KMT2E: variants seen among roughly 807,000 people sequenced by gnomAD.
KMT2E encodes lysine methyltransferase 2E (inactive), also known as histone reader KMT2E.
A neutral mutation model predicts 184.6 loss-of-function variants in KMT2E; 30 were observed. The observed-to-expected ratio is 0.16, with a 90% CI of 0.12 to 0.22. KMT2E has a LOEUF of 0.22. KMT2E is among the 10% of genes least tolerant of loss of function. The probability of loss-of-function intolerance (pLI) is 1.00; values close to 1 mark genes in which losing one functional copy is unlikely to be tolerated. For missense variants in KMT2E, 2,023 were observed against 2,237.4 expected (o/e 0.90, Z 1.93); for synonymous variants, 815 against 776.5 (o/e 1.05, Z -0.82).
At chr7:105,101,185 C>T (rs1328925026) in intron 15 of KMT2E, among the ~76,000 whole-genome samples, 2 of 152,104 alleles carry the variant, frequency 1.3e-5, no homozygotes, top group South Asian at 2.1e-4. Flanking sequence ...CATTAACACT[C>T]AGTCATCCAA....
chr7:105,017,416 GGTTTTTTTTTGTTTTTT>G (rs551729303), intron 1 of KMT2E, among the ~76,000 whole-genome samples: 45 of 144,284 alleles, frequency 3.1e-4, no homozygotes, highest in African/African-American at 9.3e-4. Context: ...GGTGGTGGGT[GGTTTTTTTTTGTTTTTT>G]GTTTTTTTTT....
chr7:105,029,163 T>G (rs1795296327), intron 1 of KMT2E, among the ~76,000 whole-genome samples: 1 of 151,950 alleles, frequency 6.6e-6, no homozygotes, highest in Non-Finnish European at 1.5e-5. Flanking sequence ...CGTGGGAGGC[T>G]GAGTCAGAGG....
In KMT2E at chr7:105,102,170, T is replaced by A. The variant is rs776135644; in HGVS notation, c.2172T>A (p.Pro724=). The part of the protein sequence containing the change: ...ETEVPALNKC[P]TKYPKTKKHL... ...AAGTTCCAGCACTTAATAAATGTCC[T>A]ACCAAGTACCCCAAAACAAAGAAGG... The change falls in exon 17 of 27, where the codon CCT becomes CCA. Residue 724 remains proline, a synonymous_variant. Transcript: ENST00000311117. 6.8e-6 allele frequency: 11 copies of A among 1,607,700 alleles called. No homozygotes were observed. The South Asian group carries it at 1.1e-4, about 16-fold the overall frequency.
chr7:105,037,550 A>G (rs552285452), intron 1 of KMT2E, among the ~76,000 whole-genome samples: 1 of 151,980 alleles, frequency 6.6e-6, no homozygotes, highest in Non-Finnish European at 1.5e-5. Flanking sequence ...TTTTGTAGGG[A>G]TAATGTCTCA....
Position 105,106,593 on chromosome 7 carries a change from CCTA to C in KMT2E, c.2671_2673del (p.Thr891del). 6.2e-7 allele frequency: 1 copy of C among 1,613,706 alleles called. No individual in the cohort carries two copies. The highest frequency in any genetic ancestry group is 1.1e-5 in the South Asian group (1 of 91,074). ...TTCGGTTTACTCAGAAACCTCCACA[CCTA>C]CTCCTTCCCCGTATGCTACACCAAC... is the stretch of plus-strand genomic sequence containing the variant. On this transcript the variant is annotated inframe_deletion, in exon 20 of 27. Transcript: ENST00000311117.
At chr7:105,106,070 G>A in intron 19 of KMT2E, 67 bp downstream of exon 19, 1 of 1,419,026 alleles carries the variant, frequency 7.0e-7, no homozygotes, top group South Asian at 1.3e-5. Context: ...CTTTATAACA[G>A]GCATATTTCT....
chr7:105,058,413 A>G (rs1414098224), intron 3 of KMT2E, among the ~76,000 whole-genome samples: 3 of 152,140 alleles, frequency 2.0e-5, no homozygotes, highest in Non-Finnish European at 4.4e-5. Context: ...CTTAGCATCC[A>G]TGGTTATTTG....
At chr7:105,108,301 T>C (rs1255118000) in intron 22 of KMT2E, among the ~76,000 whole-genome samples, 1 of 152,230 alleles carries the variant, frequency 6.6e-6, no homozygotes, top group African/African-American at 2.4e-5. Flanking sequence ...GAAATGCCTC[T>C]TTCCTCATCT....
intron 13 of KMT2E, among the ~76,000 whole-genome samples, chr7:105,085,678 CTTTAA>C (rs1797934604): frequency 7.0e-6 from 1 of 143,802 alleles, no homozygotes; most frequent in Non-Finnish European, 1.5e-5. Flanking sequence ...TAACTGCTAT[CTTTAA>C]TTTGATTTTT....
chr7:105,089,326 G>A (rs924904580), intron 13 of KMT2E: 4 of 383,980 alleles, frequency 1.0e-5, no homozygotes, highest in Admixed American at 3.2e-5. Context: ...AGCCTATCGC[G>A]TAGCCAGGAT....
chr7:105,111,662 T>C (rs1307660797), intron 26 of KMT2E, among the ~76,000 whole-genome samples, 163 bp from the exon 27 acceptor site: 1 of 152,188 alleles, frequency 6.6e-6, no homozygotes, highest in Non-Finnish European at 1.5e-5. Flanking sequence ...CTGAAAAATA[T>C]TGGCCTTTTA....
Position 105,077,374 on chromosome 7 carries a change from A to G in KMT2E, c.1071A>G (p.Glu357=), listed in dbSNP as rs1469942504. ...TGCCTCCTGATGCACTTATCATTGA[A>G]TACAGAGGGAAGTTTATGCTGAGAG... ...KDLPPDALII[E]YRGKFMLREQ... is the part of the protein sequence containing the mutation. The change falls in exon 11 of 27, where the codon GAA becomes GAG. Residue 357 remains glutamate (E), a synonymous_variant. Transcript: ENST00000311117. 2 of 1,610,582 alleles carry G rather than the reference A, an allele frequency of 1.2e-6. No individual in the cohort carries two copies. The highest frequency in any genetic ancestry group is 1.7e-6 in the Non-Finnish European group (2 of 1,177,344).
intron 7 of KMT2E, among the ~76,000 whole-genome samples, chr7:105,074,377 T>G (rs550868890): frequency 3.3e-5 from 5 of 152,292 alleles, no homozygotes; most frequent in East Asian, 1.9e-4. Flanking sequence ...ATTTCAAATT[T>G]CCACTCGTAG....
intron 1 of KMT2E, among the ~76,000 whole-genome samples, chr7:105,023,751 A>G (rs565912445): frequency 6.6e-6 from 1 of 152,272 alleles, no homozygotes; most frequent in Admixed American, 6.5e-5. Flanking sequence ...GGCTCCGTTA[A>G]GCAATTTTTA....
In KMT2E at chr7:105,107,815, A is replaced by C. The variant is rs1205531349; in HGVS notation, c.3358A>C (p.Thr1120Pro). The change falls in exon 22 of 27, where the codon ACT becomes CCT. Residue 1120 changes from threonine (T) to proline (P), a missense_variant. Coordinates refer to ENST00000311117, the MANE Select transcript of KMT2E (RefSeq NM_182931.3). ...DDTRGMFMET[T>P]VFCTSEDGLV... ...TACTAGAGGCATGTTTATGGAAACAACTGTGTTTTGTACTTCCGAAGATGG... is the reference window on the plus strand; with the variant it reads ...TACTAGAGGCATGTTTATGGAAACACCTGTGTTTTGTACTTCCGAAGATGG... 6.2e-7 allele frequency: 1 copy of C among 1,614,154 alleles called. No homozygotes were observed. Among genetic ancestry groups the C allele is most frequent in the Non-Finnish European group, 8.5e-7 (1 of 1,180,018 alleles).
chr7:105,108,257 T>G (rs189272594), intron 22 of KMT2E, among the ~76,000 whole-genome samples: 210 of 152,172 alleles, frequency 1.4e-3, no homozygotes, highest in Non-Finnish European at 1.9e-3. Flanking sequence ...GTTATTACCT[T>G]TATTGTACAT....
At chr7:105,049,140 A>T (rs906240935) in intron 3 of KMT2E, among the ~76,000 whole-genome samples, 17 of 152,132 alleles carry the variant, frequency 1.1e-4, no homozygotes, top group Non-Finnish European at 7.4e-5. Flanking sequence ...TAAGAAGTTA[A>T]GATTTTAAGT....
At chr7:105,051,268 C>T (rs1487329980) in intron 3 of KMT2E, among the ~76,000 whole-genome samples, 3 of 151,960 alleles carry the variant, frequency 2.0e-5, no homozygotes, top group African/African-American at 4.8e-5. Context: ...TCACTGCAAC[C>T]TCCGCTTTCG....
chr7:105,039,561 C>T (rs1795797211), intron 2 of KMT2E, among the ~76,000 whole-genome samples: 1 of 152,046 alleles, frequency 6.6e-6, no homozygotes, highest in Admixed American at 6.6e-5. Context: ...TAGGTTAATT[C>T]CTGTTTCACA....
Sources: allele counts gnomAD v4.1 joint callset (sites outside exome capture counted in the v4.1 genomes callset), GRCh38; gene constraint gnomAD v4.1.1; transcripts MANE v1.5; gene names NCBI Gene and HGNC (gene_info 2026-07-23, HGNC 2026-07-21).